PHACTR3: variants seen among roughly 807,000 people sequenced by gnomAD.
The protein encoded by PHACTR3 is protein phosphatase 1, regulatory subunit 123.
Under a neutral mutation model 66.8 loss-of-function variants are expected in PHACTR3, and 16 were observed. The observed-to-expected ratio is 0.24, with a 90% CI of 0.16 to 0.36. PHACTR3 has a LOEUF of 0.36. Among genes scored for constraint, PHACTR3 ranks in the 10% least tolerant of loss-of-function variants. PHACTR3 has a pLI of 1.00. For missense variants in PHACTR3, 647 were observed against 719.9 expected, an observed-to-expected ratio of 0.90 and a Z score of 1.16; for synonymous variants, 323 against 292.1, an observed-to-expected ratio of 1.11 and a Z score of -1.08.
At chr20:59,650,624 C>T (rs6027019) in intron 1 of PHACTR3, among the ~76,000 whole-genome samples, 1,601 of 151,586 alleles carry the variant, frequency 0.011, 22 homozygotes, top group African/African-American at 0.037. Context: ...TGACCTATCC[C>T]GTTGAGCTGG....
chr20:59,700,278 G>C (rs1036054416), intron 1 of PHACTR3, among the ~76,000 whole-genome samples: 2 of 152,178 alleles, frequency 1.3e-5, no homozygotes, highest in African/African-American at 2.4e-5. Context: ...CTGCCCTGTT[G>C]GTTGACACTG....
At chr20:59,668,026 A>C (rs1323201377) in intron 1 of PHACTR3, among the ~76,000 whole-genome samples, 1 of 152,242 alleles carries the variant, frequency 6.6e-6, no homozygotes, top group Non-Finnish European at 1.5e-5. Context: ...GTACCGAGGC[A>C]GAGGTGGGCA....
chr20:59,801,502 T>C (rs1329902292), intron 7 of PHACTR3, among the ~76,000 whole-genome samples: 1 of 152,220 alleles, frequency 6.6e-6, no homozygotes, highest in Non-Finnish European at 1.5e-5. Context: ...ACATTCCTTC[T>C]AGAGAATAAA....
intron 1 of PHACTR3, among the ~76,000 whole-genome samples, chr20:59,668,838 C>G (rs922316148): frequency 1.3e-5 from 2 of 150,052 alleles, no homozygotes; most frequent in Non-Finnish European, 3.0e-5. Context: ...GTAGCTGGAA[C>G]TACAGGTGCC....
intron 4 of PHACTR3, among the ~76,000 whole-genome samples, chr20:59,761,920 G>A (rs1159824165): frequency 6.6e-6 from 1 of 152,212 alleles, no homozygotes; most frequent in Non-Finnish European, 1.5e-5. Context: ...CCAAATGCAG[G>A]GAACCAGTGT....
intron 9 of PHACTR3, among the ~76,000 whole-genome samples, chr20:59,837,368 T>G (rs890293917): frequency 1.9e-4 from 29 of 152,194 alleles, no homozygotes; most frequent in African/African-American, 7.0e-4. Context: ...TTTTATGAAG[T>G]TATAATGGTA....
intron 1 of PHACTR3, among the ~76,000 whole-genome samples, chr20:59,584,438 G>C (rs895184891): frequency 6.6e-6 from 1 of 152,046 alleles, no homozygotes; most frequent in Non-Finnish European, 1.5e-5. Context: ...GTGTGAGGGT[G>C]TGAAGCCGTG....
At chr20:59,684,205 A>C (rs2036771902) in intron 1 of PHACTR3, among the ~76,000 whole-genome samples, 1 of 152,192 alleles carries the variant, frequency 6.6e-6, no homozygotes, top group Non-Finnish European at 1.5e-5. Flanking sequence ...TTTTAAATTA[A>C]GTAGTCTGCT....
chr20:59,585,524 C>A (rs73914195), intron 1 of PHACTR3, among the ~76,000 whole-genome samples: 106 of 152,264 alleles, frequency 7.0e-4, no homozygotes, highest in African/African-American at 2.3e-3. Context: ...GTCCTGGGGA[C>A]CCCCAGCACA....
chr20:59,643,408 A>AAC (rs1207684538), intron 1 of PHACTR3, among the ~76,000 whole-genome samples: 1 of 152,164 alleles, frequency 6.6e-6, no homozygotes, highest in African/African-American at 2.4e-5. Context: ...GGGGGAATTC[A>AAC]ACACACACAG....
intron 3 of PHACTR3, among the ~76,000 whole-genome samples, chr20:59,748,709 T>A (rs971229315): frequency 1.3e-5 from 2 of 152,150 alleles, no homozygotes; most frequent in African/African-American, 2.4e-5. Context: ...TCTGGAAGAC[T>A]CTCTGGAGCT....
chr20:59,829,290 T>A lies in PHACTR3; in HGVS notation c.1329-7215T>A, dbSNP rs1437665220. On this transcript the variant is annotated intron_variant, in intron 8 of 12. Transcript: ENST00000371015. This position sits in a 1 kb window ranked among gnomAD's most constrained non-coding sequence, Gnocchi z 4.2. ...AGCTGAGCCCTCAGTCGGCAGAACA[T>A]CCCTGCTTGCTGTTTCCTAGTGTGG... Among the ~76,000 whole-genome samples, 1 of 152,134 alleles carries A rather than the reference T, an allele frequency of 6.6e-6. No homozygotes were observed. The highest frequency in any genetic ancestry group is 1.5e-5 in the Non-Finnish European group (1 of 68,010).
intron 1 of PHACTR3, among the ~76,000 whole-genome samples, chr20:59,610,228 C>T (rs1275605041): frequency 2.6e-5 from 4 of 152,242 alleles, no homozygotes; most frequent in Admixed American, 6.5e-5. Flanking sequence ...GCACTCCAAC[C>T]TGCGTGACAG....
intron 1 of PHACTR3, among the ~76,000 whole-genome samples, chr20:59,650,087 C>T (rs1568959529): frequency 6.6e-6 from 1 of 152,050 alleles, no homozygotes; most frequent in South Asian, 2.1e-4. Context: ...CATTTTTGGT[C>T]ATATTTTCTA....
intron 1 of PHACTR3, among the ~76,000 whole-genome samples, chr20:59,622,792 C>T (rs958690489): frequency 6.6e-6 from 1 of 151,802 alleles, no homozygotes; most frequent in African/African-American, 2.4e-5. Flanking sequence ...GGAGCCGGCT[C>T]TGGCCAGGAC....
chr20:59,607,266 C>T (rs1396311069), intron 1 of PHACTR3, among the ~76,000 whole-genome samples: 2 of 152,144 alleles, frequency 1.3e-5, no homozygotes, highest in Admixed American at 6.5e-5. Flanking sequence ...CTGGGTGTTA[C>T]TCAGGGCTTT....
At chr20:59,811,800 C>G (rs561618320) in intron 8 of PHACTR3, among the ~76,000 whole-genome samples, 2 of 152,312 alleles carry the variant, frequency 1.3e-5, no homozygotes, top group East Asian at 3.9e-4. Context: ...CCCCAGCCGT[C>G]TTTGTCTCAG....
intron 8 of PHACTR3, among the ~76,000 whole-genome samples, chr20:59,819,665 A>G (rs2041978416): frequency 6.6e-6 from 1 of 152,052 alleles, no homozygotes; most frequent in African/African-American, 2.4e-5. Flanking sequence ...CTGTCCCAGT[A>G]CTGGCCACCC....
chr20:59,610,358 C>T (rs1193369303), intron 1 of PHACTR3, among the ~76,000 whole-genome samples: 2 of 152,320 alleles, frequency 1.3e-5, no homozygotes, highest in East Asian at 1.9e-4. Flanking sequence ...AGGTACCTGG[C>T]GAAGCTGTCA....
Sources: allele counts gnomAD v4.1 joint callset (sites outside exome capture counted in the v4.1 genomes callset), GRCh38; gene constraint gnomAD v4.1.1; non-coding constraint Gnocchi (gnomAD v3.1); transcripts MANE v1.5; gene names NCBI Gene and HGNC (gene_info 2026-07-23, HGNC 2026-07-21).